Variants in KIAA1549L observed in about 807,000 individuals in gnomAD.
The protein encoded by KIAA1549L is KIAA1549 like, also known as UPF0606 protein KIAA1549L.
Under a neutral mutation model 160.7 loss-of-function variants are expected in KIAA1549L, and 88 were observed. The observed-to-expected ratio is 0.55, with a 90% CI of 0.46 to 0.65. KIAA1549L has a LOEUF of 0.65. Ranked by LOEUF, KIAA1549L falls within the 30% of genes least tolerant of loss-of-function variation. The probability of loss-of-function intolerance (pLI) is 0.00; values close to 1 mark genes in which losing one functional copy is unlikely to be tolerated. For missense variants in KIAA1549L, 2,258 were observed against 2,437.5 expected, an observed-to-expected ratio of 0.93 and a Z score of 1.55; for synonymous variants, 950 against 976.7, an observed-to-expected ratio of 0.97 and a Z score of 0.51.
At chr11:33,658,142 G>C (rs1852131430) in intron 18 of KIAA1549L, among the ~76,000 whole-genome samples, 1 of 152,212 alleles carries the variant, frequency 6.6e-6, no homozygotes, top group African/African-American at 2.4e-5. Context: ...GCACTAAGTG[G>C]AAATAGGATG....
chr11:33,636,388 A>G (rs1037961591), intron 16 of KIAA1549L, among the ~76,000 whole-genome samples: 1 of 142,600 alleles, frequency 7.0e-6, no homozygotes, highest in African/African-American at 2.6e-5. Flanking sequence ...TCGCTGTGTC[A>G]CCCAGGCTGG....
chr11:33,570,035 A>G (rs12278240), intron 9 of KIAA1549L, among the ~76,000 whole-genome samples: 13,585 of 130,600 alleles, frequency 0.1, 2,112 homozygotes, highest in African/African-American at 0.35. Flanking sequence ...ACGGAGTCTC[A>G]CTCTGTCATC....
In KIAA1549L at chr11:33,595,174, A is replaced by G. The variant is rs576766261; in HGVS notation, c.4752-3646A>G. ...TAAGAAATATTAACTGATGAAACAA[A>G]TACAGATGAAGATGATAACACATAT... On this transcript the variant is annotated intron_variant, in intron 12 of 20. Transcript: ENST00000658780. Among the ~76,000 whole-genome samples, 134 of 152,326 alleles carry G rather than the reference A, an allele frequency of 8.8e-4. 2 individuals are homozygous for G. In the Middle Eastern group the frequency reaches 0.014, roughly 15 times the overall value.
chr11:33,394,612 A>G (rs1026140139), intron 1 of KIAA1549L, among the ~76,000 whole-genome samples: 2 of 152,208 alleles, frequency 1.3e-5, no homozygotes, highest in Non-Finnish European at 2.9e-5. Context: ...TAGACGGGGC[A>G]TCTGTCACGG....
intron 1 of KIAA1549L, among the ~76,000 whole-genome samples, chr11:33,444,117 G>T (rs1332935455): frequency 3.9e-5 from 6 of 152,132 alleles, no homozygotes; most frequent in African/African-American, 9.7e-5. Context: ...ACAAAAAGAA[G>T]GGAAAATAAA....
At chr11:33,611,409 G>A (rs1850646153) in intron 15 of KIAA1549L, among the ~76,000 whole-genome samples, 1 of 152,110 alleles carries the variant, frequency 6.6e-6, no homozygotes, top group South Asian at 2.1e-4. Context: ...TGGGAGGTGG[G>A]GCTGAATTTT....
chr11:33,516,148 T>C (rs1241211181), intron 1 of KIAA1549L, among the ~76,000 whole-genome samples: 13 of 38,478 alleles, frequency 3.4e-4, no homozygotes, highest in African/African-American at 1.7e-3. Context: ...TCTTTTTTTT[T>C]TTTTTTTTTT....
rs148066413 is a variant in KIAA1549L, at chr11:33,642,805, C to T, written c.5410-2881C>T. Among the ~76,000 whole-genome samples the T allele has an allele frequency of 9.3e-4, 142 of 152,304 alleles. 1 individual carries two copies. The highest frequency in any genetic ancestry group is 3.2e-3 in the African/African-American group (134 of 41,542). ...AGTAGAAGGCAAAGAATTGAGCATA[C>T]TGACATACTGATTCTTTGAAAAGAA... On this transcript the variant is annotated intron_variant, in intron 16 of 20. Coordinates refer to ENST00000658780, the MANE Select transcript of KIAA1549L (RefSeq NM_012194.3).
At chr11:33,432,594 A>C (rs1038887307) in intron 1 of KIAA1549L, among the ~76,000 whole-genome samples, 33 of 152,124 alleles carry the variant, frequency 2.2e-4, no homozygotes, top group African/African-American at 8.0e-4. Context: ...TCCATGATCT[A>C]AACTGAAGAC....
At chr11:33,572,424 A>G (rs1348915532) in intron 9 of KIAA1549L, among the ~76,000 whole-genome samples, 1 of 152,222 alleles carries the variant, frequency 6.6e-6, no homozygotes, top group Non-Finnish European at 1.5e-5. Flanking sequence ...TTATACTGTT[A>G]CTATTTTATA....
intron 1 of KIAA1549L, among the ~76,000 whole-genome samples, chr11:33,529,428 A>G (rs1236555440): frequency 6.6e-6 from 1 of 152,228 alleles, no homozygotes; most frequent in Non-Finnish European, 1.5e-5. Flanking sequence ...CAATCATGAT[A>G]ACAAATGTTT....
intron 17 of KIAA1549L, among the ~76,000 whole-genome samples, chr11:33,654,045 C>T (rs539301181): frequency 7.2e-5 from 11 of 151,902 alleles, no homozygotes; most frequent in Admixed American, 2.6e-4. Context: ...TGATCTCGGC[C>T]CACTGCAACC....
chr11:33,624,334 C>A (rs1249274457), intron 16 of KIAA1549L, among the ~76,000 whole-genome samples: 1 of 152,220 alleles, frequency 6.6e-6, no homozygotes, highest in Non-Finnish European at 1.5e-5. Flanking sequence ...AATCCATCTT[C>A]TAGTCCTAAG....
chr11:33,410,644 T>G (rs1200772012), intron 1 of KIAA1549L, among the ~76,000 whole-genome samples: 1 of 152,176 alleles, frequency 6.6e-6, no homozygotes, highest in Non-Finnish European at 1.5e-5. Flanking sequence ...GAAGTAAAAC[T>G]GCACTTTATA....
rs1435024468 is a variant in KIAA1549L at position 33,386,544 on chromosome 11, A to G, written c.238+9655A>G. On this transcript the variant is annotated intron_variant, in intron 1 of 20. Transcript: ENST00000658780. ...AAAAACACAAAAAAATTAGCTGGGT[A>G]TGGTGGTGGGTGCCTGTAATCCCAG... Among the ~76,000 whole-genome samples the G allele has an allele frequency of 2.0e-5, 3 of 152,014 alleles. No individual in the cohort carries two copies. The East Asian group carries it at 5.8e-4, about 29-fold the overall frequency.
At chr11:33,607,286 T>C (rs796471749) in intron 14 of KIAA1549L, among the ~76,000 whole-genome samples, 18 of 152,240 alleles carry the variant, frequency 1.2e-4, no homozygotes, top group African/African-American at 4.1e-4. Context: ...ATTTATTCCT[T>C]TGAGCAAACT....
At chr11:33,476,840 A>G (rs1374988462) in intron 1 of KIAA1549L, among the ~76,000 whole-genome samples, 2 of 152,212 alleles carry the variant, frequency 1.3e-5, no homozygotes, top group East Asian at 3.8e-4. Flanking sequence ...GCTTTTTCAC[A>G]AAACCTATTC....
chr11:33,396,527 C>T (rs181448883), intron 1 of KIAA1549L, among the ~76,000 whole-genome samples: 6 of 152,254 alleles, frequency 3.9e-5, no homozygotes, highest in East Asian at 3.9e-4. Flanking sequence ...TCTGACTTGA[C>T]GGGGTCTGGG....
Position 33,613,306 on chromosome 11 carries a change from A to G in KIAA1549L, c.5279+3340A>G, listed in dbSNP as rs148134370. Among the ~76,000 whole-genome samples the G allele has an allele frequency of 4.0e-3, 607 of 152,284 alleles. 9 individuals are homozygous for G. Among genetic ancestry groups the G allele is most frequent in the African/African-American group, 0.013 (555 of 41,562 alleles). The stretch of plus-strand genomic sequence containing the variant: ...TTTAATCATAGCCATTCTTACTGGT[A>G]TGAGATGGTACCTCATTTTGGTTTT... On this transcript the variant is annotated intron_variant, in intron 15 of 20. Transcript: ENST00000658780.
Sources: gnomAD v4.1 joint callset for allele counts (sites outside exome capture counted in the v4.1 genomes callset) on GRCh38, gnomAD v4.1.1 for gene constraint, MANE v1.5 for transcripts, NCBI Gene and HGNC (gene_info 2026-07-23, HGNC 2026-07-21) for gene names.